RASGRP3: variants seen among roughly 807,000 people sequenced by gnomAD.
RASGRP3 encodes RAS guanyl releasing protein 3.
In RASGRP3, 54 loss-of-function variants were observed where a neutral mutation model predicts 82.7. The observed-to-expected ratio is 0.65, with a 90% CI of 0.52 to 0.82. The LOEUF (loss-of-function observed/expected upper bound fraction) is 0.82, where lower values mean the gene tolerates loss of function less well. Ranked by LOEUF, RASGRP3 falls within the 40% of genes least tolerant of loss-of-function variation. The pLI is 0.00. For synonymous variants in RASGRP3, 309 were observed against 300.5 expected (o/e 1.03, Z -0.29); for missense variants, 861 against 828.9 (o/e 1.04, Z -0.48).
chr2:33,539,075 T>G lies in RASGRP3; in HGVS notation c.1162-19T>G, dbSNP rs746671030. ...AATAATAAAGTTGAAAAATATGTGG[T>G]TTTTTTTTTGTTTATCAGCAGCCTA... On this transcript the variant is annotated intron_variant, in intron 11 of 17. Transcript: ENST00000403687. 144 of 1,285,938 alleles carry G rather than the reference T, an allele frequency of 1.1e-4. 1 individual carries two copies. Among genetic ancestry groups the G allele is most frequent in the East Asian group, 2.7e-4 (10 of 37,030 alleles). The allele number at this position is 1,285,938 out of a possible 1,614,324, so 79.7% of individuals were successfully genotyped here.
At position 33,498,126 on chromosome 2, in the gene RASGRP3, C is replaced by T. The variant is rs115055433; in HGVS notation, c.-260-13584C>T. Among the ~76,000 whole-genome samples the T allele has an allele frequency of 2.4e-3, 370 of 152,206 alleles. 1 individual carries two copies. The highest frequency in any genetic ancestry group is 8.2e-3 in the African/African-American group (342 of 41,524). On this transcript the variant is annotated intron_variant, in intron 1 of 17. Coordinates refer to ENST00000403687, the MANE Select transcript of RASGRP3 (RefSeq NM_001139488.2). ...GACAGAAATAGGAATCATTGCATCC[C>T]TCAGTAGAGGGCACTTTTTGGTCCC...
At chr2:33,472,678 C>G (rs74261892), upstream of RASGRP3, among the ~76,000 whole-genome samples, 1,309 of 152,108 alleles carry the variant, frequency 8.6e-3, 64 homozygotes, top group East Asian at 0.14. Flanking sequence ...GCCAAAAGGT[C>G]AAGTAAGATG....
rs766863180 is a variant in RASGRP3 at position 33,520,537 on chromosome 2, A to G, written c.237-16A>G. The G allele has an allele frequency of 1.3e-4, 203 of 1,612,338 alleles. No homozygotes were observed. Among genetic ancestry groups the G allele is most frequent in the Non-Finnish European group, 1.6e-4 (194 of 1,178,732 alleles). On this transcript the variant is annotated splice_polypyrimidine_tract_variant and intron_variant, in intron 5 of 17. Transcript: ENST00000403687. ...TTGCAATCTTCCAGCTGCCAAAAAT[A>G]TTTGATGCCTTTCAGGTACTGGATT...
chr2:33,489,542 T>C (rs13009794), intron 1 of RASGRP3, among the ~76,000 whole-genome samples: 23,586 of 152,092 alleles, frequency 0.16, 2,258 homozygotes, highest in African/African-American at 0.27. Context: ...GAGGGACACA[T>C]TGTTGTTTCT....
At chr2:33,525,004 CT>C in intron 9 of RASGRP3, among the ~76,000 whole-genome samples, 1 of 148,576 alleles carries the variant, frequency 6.7e-6, no homozygotes, top group African/African-American at 2.5e-5. Flanking sequence ...TGGCATGAAC[CT>C]GGGAGGCAGA....
At chr2:33,540,547 G>GTGTGT (rs1558506079) in intron 12 of RASGRP3, among the ~76,000 whole-genome samples, 1 of 34,526 alleles carries the variant, frequency 2.9e-5, no homozygotes, top group African/African-American at 1.6e-4. Flanking sequence ...CTCTCTCTGT[G>GTGTGT]TGTGTGTTTT....
chr2:33,527,465 T>G, intron 10 of RASGRP3, 53 bp downstream of exon 10: 1 of 1,521,126 alleles, frequency 6.6e-7, no homozygotes, highest in Non-Finnish European at 9.0e-7. Flanking sequence ...CACCTTTCTT[T>G]CCAGGAGACA....
At chr2:33,508,452 G>A (rs1488625296) in intron 1 of RASGRP3, among the ~76,000 whole-genome samples, 1 of 152,140 alleles carries the variant, frequency 6.6e-6, no homozygotes, top group Non-Finnish European at 1.5e-5. Context: ...ATGCACAGGT[G>A]GAGGGATTGA....
chr2:33,525,816 G>A (rs931578244), intron 9 of RASGRP3, among the ~76,000 whole-genome samples: 15 of 151,750 alleles, frequency 9.9e-5, no homozygotes, highest in African/African-American at 3.1e-4. Flanking sequence ...GTTTGAGGCT[G>A]CAGTGAGCCA....
chr2:33,519,981 AT>A lies in RASGRP3; in HGVS notation c.204del (p.Asn68LysfsTer5). The A allele has an allele frequency of 6.2e-7, 1 of 1,610,322 alleles. No homozygotes were observed. The highest frequency in any genetic ancestry group is 8.5e-7 in the Non-Finnish European group (1 of 1,178,230). ...CGAAATGCCACTGGAGAAAGCTGCA[AT>A]GAATTTCGATTAAAGATCTGCTACT... Reference protein sequence around the residue: ...MYRNATGESCNEFRLKICYFM... With the variant: ...MYRNATGESCXEFRLKICYFM... On this transcript the variant is annotated frameshift_variant, in exon 5 of 18. Transcript: ENST00000403687. LOFTEE classifies it high-confidence loss of function.
rs1243177431 is a variant in RASGRP3 at position 33,448,746 on chromosome 2, A to T, written c.-261+803A>T. 3.3e-5 allele frequency among the ~76,000 whole-genome samples: 5 copies of T among 150,314 alleles called. No homozygotes were observed. The Admixed American group carries it at 3.4e-4, about 10-fold the overall frequency. ...AAAAGTTTTGCAAATAGTGGTGATG[A>T]TTGCACAACATTGTGAATGTAATTA... On this transcript the variant is annotated intron_variant, in intron 2 of 18. Transcript: ENST00000402538.
intron 2 of RASGRP3, among the ~76,000 whole-genome samples, chr2:33,462,453 C>G (rs145755995): frequency 9.3e-5 from 14 of 151,094 alleles, no homozygotes; most frequent in African/African-American, 3.4e-4. Context: ...GATCGGCACA[C>G]TGCAACCTAC....
chr2:33,437,488 A>G (rs1169820652), intron 1 of RASGRP3, among the ~76,000 whole-genome samples: 2 of 152,270 alleles, frequency 1.3e-5, no homozygotes, highest in Admixed American at 1.3e-4. Flanking sequence ...AATGACTAAC[A>G]GAGGAATACG....
At chr2:33,463,836 G>A (rs911058194) in intron 2 of RASGRP3, among the ~76,000 whole-genome samples, 6 of 151,306 alleles carry the variant, frequency 4.0e-5, no homozygotes, top group Non-Finnish European at 2.9e-5. Context: ...TCCTGACCTC[G>A]TGATCCGCCT....
intron 6 of RASGRP3, among the ~76,000 whole-genome samples, chr2:33,521,480 A>C (rs1672029825): frequency 6.6e-6 from 1 of 152,228 alleles, no homozygotes; most frequent in South Asian, 2.1e-4. Flanking sequence ...TGTTTGGTGA[A>C]AATACATATT....
intron 15 of RASGRP3, 74 bp downstream of exon 15, chr2:33,555,641 C>G: frequency 7.9e-7 from 1 of 1,263,720 alleles, no homozygotes; most frequent in Non-Finnish European, 1.1e-6. Context: ...TCTGGTTAAA[C>G]TACAAAAGCT....
chr2:33,473,974 C>T (rs879430307), upstream of RASGRP3, among the ~76,000 whole-genome samples: 8 of 119,148 alleles, frequency 6.7e-5, no homozygotes, highest in African/African-American at 2.2e-4. Flanking sequence ...GTAGATCCCT[C>T]GCGTGCACAG....
At chr2:33,530,497 CTTTTT>C (rs746592952) in intron 10 of RASGRP3, among the ~76,000 whole-genome samples, 4 of 117,102 alleles carry the variant, frequency 3.4e-5, no homozygotes, top group African/African-American at 6.9e-5. Context: ...CTGCCCCTTC[CTTTTT>C]TTTTTTTTTT....
chr2:33,517,406 C>T (rs1381129816), intron 4 of RASGRP3, among the ~76,000 whole-genome samples: 1 of 152,178 alleles, frequency 6.6e-6, no homozygotes, highest in Non-Finnish European at 1.5e-5. Flanking sequence ...CCATGAGGCC[C>T]TGGAGATGAG....
Sources: allele counts gnomAD v4.1 joint callset (sites outside exome capture counted in the v4.1 genomes callset), GRCh38; gene constraint gnomAD v4.1.1; transcripts MANE v1.5; gene names NCBI Gene and HGNC (gene_info 2026-07-23, HGNC 2026-07-21).